The following TRPM3 variants were observed in gnomAD, a reference collection of about 807,000 sequenced individuals.
TRPM3 encodes long transient receptor potential channel 3.
TRPM3 carries 77 observed loss-of-function variants against 181.2 expected under a neutral mutation model. That is an observed-to-expected ratio of 0.42 (90% CI 0.35 to 0.51). TRPM3 has a LOEUF of 0.51. Among genes scored for constraint, TRPM3 ranks in the 20% least tolerant of loss-of-function variants. The probability of loss-of-function intolerance (pLI) is 0.01; values close to 1 mark genes in which losing one functional copy is unlikely to be tolerated. For synonymous variants in TRPM3, 745 were observed against 796.4 expected, an observed-to-expected ratio of 0.94 and a Z score of 1.09; for missense variants, 1,759 against 2,196.7, an observed-to-expected ratio of 0.80 and a Z score of 3.98.
chr9:70,682,114 TA>T (rs1426830567), intron 8 of TRPM3, among the ~76,000 whole-genome samples: 2 of 152,140 alleles, frequency 1.3e-5, no homozygotes, highest in African/African-American at 4.8e-5. Flanking sequence ...ACCCATTTTA[TA>T]GTATTTTGTT....
intron 1 of TRPM3, among the ~76,000 whole-genome samples, chr9:71,424,544 T>C (rs2131570671): frequency 6.6e-6 from 1 of 152,208 alleles, no homozygotes; most frequent in Middle Eastern, 3.4e-3. Context: ...CAGTTGCAAA[T>C]ATTACTGACA....
intron 1 of TRPM3, among the ~76,000 whole-genome samples, chr9:71,090,782 G>T (rs1413969451): frequency 1.3e-5 from 2 of 152,044 alleles, no homozygotes; most frequent in African/African-American, 4.8e-5. Context: ...TGTAAAATAA[G>T]AATAATGACT....
At chr9:71,405,503 A>G (rs1588881342) in intron 1 of TRPM3, among the ~76,000 whole-genome samples, 1 of 152,274 alleles carries the variant, frequency 6.6e-6, no homozygotes, top group East Asian at 1.9e-4. Flanking sequence ...TGATTCATAC[A>G]CATGATTTTT....
chr9:71,167,898 CTG>C (rs1394484969), intron 1 of TRPM3, among the ~76,000 whole-genome samples: 2 of 152,164 alleles, frequency 1.3e-5, no homozygotes, highest in African/African-American at 4.8e-5. Flanking sequence ...ATAAAGAAAA[CTG>C]TAATTTTTGT....
At chr9:70,892,598 C>T (rs922003092) in intron 1 of TRPM3, among the ~76,000 whole-genome samples, 3 of 139,184 alleles carry the variant, frequency 2.2e-5, no homozygotes, top group Non-Finnish European at 3.0e-5. Flanking sequence ...TTCAAATTTA[C>T]CCGTTTGACC....
At chr9:71,177,385 G>A (rs1000085367) in intron 1 of TRPM3, among the ~76,000 whole-genome samples, 1 of 152,022 alleles carries the variant, frequency 6.6e-6, no homozygotes, top group African/African-American at 2.4e-5. Context: ...TGGAAAAATT[G>A]TCTCCCACTA....
chr9:71,398,447 C>A (rs1474203566), intron 1 of TRPM3, among the ~76,000 whole-genome samples: 1 of 152,016 alleles, frequency 6.6e-6, no homozygotes, highest in African/African-American at 2.4e-5. Context: ...ACTATAATTC[C>A]CAATGTTGGG....
chr9:70,573,972 TCACACACACACACACA>T (rs59193514), intron 22 of TRPM3, among the ~76,000 whole-genome samples: 36,842 of 140,946 alleles, frequency 0.26, 4,988 homozygotes, highest in Admixed American at 0.32. Flanking sequence ...GCAATTCATT[TCACACACACACACACA>T]CACACACACA....
chr9:70,978,303 T>C (rs968390295), intron 1 of TRPM3, among the ~76,000 whole-genome samples: 7 of 152,228 alleles, frequency 4.6e-5, no homozygotes, highest in East Asian at 1.9e-4. Context: ...CTTAGGGCCA[T>C]TGACTGCTTA....
chr9:71,259,404 C>A (rs933399080), intron 1 of TRPM3, among the ~76,000 whole-genome samples: 1 of 152,138 alleles, frequency 6.6e-6, no homozygotes, highest in African/African-American at 2.4e-5. Context: ...TGGGTATATA[C>A]CCAGTAATGG....
chr9:70,905,248 G>A (rs781624745), intron 1 of TRPM3, among the ~76,000 whole-genome samples: 13 of 152,152 alleles, frequency 8.5e-5, no homozygotes, highest in Non-Finnish European at 1.8e-4. Flanking sequence ...TTGAGATTGC[G>A]GTACATTGTA....
chr9:70,792,082 C>T (rs2085570060), intron 6 of TRPM3, among the ~76,000 whole-genome samples: 2 of 152,148 alleles, frequency 1.3e-5, no homozygotes, highest in African/African-American at 4.8e-5. Context: ...ATGGTGTCCG[C>T]CCTATCCCCT....
intron 1 of TRPM3, among the ~76,000 whole-genome samples, chr9:71,065,304 A>T (rs1238500084): frequency 1.3e-5 from 2 of 152,168 alleles, no homozygotes; most frequent in Non-Finnish European, 2.9e-5. Context: ...TAATTGGTTT[A>T]AAGTTCCTTT....
intron 1 of TRPM3, among the ~76,000 whole-genome samples, chr9:71,074,842 T>C (rs1034672941): frequency 6.6e-6 from 1 of 152,090 alleles, no homozygotes; most frequent in Non-Finnish European, 1.5e-5. Flanking sequence ...TAACTCTTCC[T>C]GGGAAAGGCT....
chr9:70,574,823 G>A (rs935949704), intron 22 of TRPM3, among the ~76,000 whole-genome samples: 23 of 152,206 alleles, frequency 1.5e-4, no homozygotes, highest in African/African-American at 4.3e-4. Flanking sequence ...TTCATGATGA[G>A]CAGCAGCATA....
At chr9:71,202,972 C>A (rs1352803515) in intron 1 of TRPM3, among the ~76,000 whole-genome samples, 1 of 152,130 alleles carries the variant, frequency 6.6e-6, no homozygotes, top group Non-Finnish European at 1.5e-5. Context: ...AAAGAGAAGT[C>A]CCCAAATTGG....
chr9:71,421,780 A>G (rs2093779109), intron 1 of TRPM3, among the ~76,000 whole-genome samples: 1 of 152,046 alleles, frequency 6.6e-6, no homozygotes, highest in Non-Finnish European at 1.5e-5. Flanking sequence ...TTGTCACACA[A>G]TGTTAAGTAT....
chr9:71,225,129 A>G (rs2131869233), intron 1 of TRPM3, among the ~76,000 whole-genome samples: 1 of 152,274 alleles, frequency 6.6e-6, no homozygotes, highest in East Asian at 1.9e-4. Context: ...GTGTTACAGA[A>G]CACTAAGCAG....
intron 1 of TRPM3, among the ~76,000 whole-genome samples, chr9:71,271,662 G>A (rs919529595): frequency 6.6e-6 from 1 of 151,734 alleles, no homozygotes; most frequent in African/African-American, 2.4e-5. Context: ...AGCCACAAAG[G>A]ATTCGCTGGG....
Sources: allele counts gnomAD v4.1 joint callset (sites outside exome capture counted in the v4.1 genomes callset), GRCh38; gene constraint gnomAD v4.1.1; transcripts MANE v1.5; gene names NCBI Gene and HGNC (gene_info 2026-07-23, HGNC 2026-07-21).